ESRRG: variants seen among roughly 807,000 people sequenced by gnomAD.
ESRRG encodes the protein estrogen-related receptor gamma.
ESRRG carries 13 observed loss-of-function variants against 44.0 expected under a neutral mutation model. That is an observed-to-expected ratio of 0.30 (90% CI 0.19 to 0.47). The LOEUF (loss-of-function observed/expected upper bound fraction) is 0.47, where lower values mean the gene tolerates loss of function less well. ESRRG is among the 20% of genes least tolerant of loss of function. The pLI, the probability that ESRRG is intolerant of heterozygous loss-of-function variation, is 1.00. For missense variants in ESRRG, 395 were observed against 580.6 expected (o/e 0.68, Z 3.29); for synonymous variants, 215 against 214.6 (o/e 1.00, Z -0.02).
upstream of ESRRG, among the ~76,000 whole-genome samples, chr1:217,092,323 G>C (rs1239657892): frequency 6.6e-6 from 1 of 152,178 alleles, no homozygotes; most frequent in African/African-American, 2.4e-5. Flanking sequence ...TACTAAGGTA[G>C]ACGGAAGATA....
chr1:216,742,882 T>C (rs1425068826), intron 2 of ESRRG, among the ~76,000 whole-genome samples: 1 of 151,142 alleles, frequency 6.6e-6, no homozygotes, highest in African/African-American at 2.4e-5. Context: ...AACTTAAGAG[T>C]TTAGGGAGAT....
intron 1 of ESRRG, among the ~76,000 whole-genome samples, chr1:216,940,109 C>T (rs1374594955): frequency 1.3e-5 from 2 of 152,114 alleles, no homozygotes; most frequent in African/African-American, 4.8e-5. Flanking sequence ...ATGCATTTCT[C>T]CAAACGTGAA....
At chr1:216,922,279 G>A (rs772076239) in intron 2 of ESRRG, among the ~76,000 whole-genome samples, 3 of 152,184 alleles carry the variant, frequency 2.0e-5, no homozygotes, top group Non-Finnish European at 4.4e-5. Context: ...AGGAAAAACT[G>A]TAGCTTCTCT....
intron 2 of ESRRG, among the ~76,000 whole-genome samples, chr1:216,787,383 T>C (rs2094163426): frequency 6.6e-6 from 1 of 151,952 alleles, no homozygotes; most frequent in Non-Finnish European, 1.5e-5. Flanking sequence ...GGTGGGCAGA[T>C]CATGAGGTCA....
chr1:216,996,191 G>T (rs2076354293), intron 1 of ESRRG, among the ~76,000 whole-genome samples: 3 of 152,160 alleles, frequency 2.0e-5, no homozygotes, highest in African/African-American at 7.2e-5. Context: ...TTTCTTTCAT[G>T]ACTGTGTCTC....
intron 3 of ESRRG, among the ~76,000 whole-genome samples, chr1:216,577,702 G>A (rs1031156892): frequency 4.6e-5 from 7 of 152,044 alleles, no homozygotes; most frequent in African/African-American, 1.7e-4. Flanking sequence ...TTCATTTGAT[G>A]GAAATGAATA....
At chr1:217,092,461 G>A (rs1438657598), upstream of ESRRG, among the ~76,000 whole-genome samples, 1 of 152,194 alleles carries the variant, frequency 6.6e-6, no homozygotes, top group Non-Finnish European at 1.5e-5. Context: ...GCACAGAGAA[G>A]TTGAGTAATT....
chr1:216,790,467 G>A (rs1190425644), intron 2 of ESRRG, among the ~76,000 whole-genome samples: 2 of 152,082 alleles, frequency 1.3e-5, no homozygotes, highest in Non-Finnish European at 2.9e-5. Context: ...GAGTTCAAAG[G>A]AAAGAACAAT....
At chr1:216,992,447 G>A (rs1000226276) in intron 1 of ESRRG, among the ~76,000 whole-genome samples, 1 of 152,112 alleles carries the variant, frequency 6.6e-6, no homozygotes, top group Non-Finnish European at 1.5e-5. Context: ...CAGATTATAA[G>A]CTTCCTGAGG....
At chr1:216,508,828 G>A (rs1178015507) in intron 6 of ESRRG, among the ~76,000 whole-genome samples, 2 of 152,138 alleles carry the variant, frequency 1.3e-5, no homozygotes, top group Non-Finnish European at 2.9e-5. Context: ...ACTATGGTGA[G>A]TCTCTAGATA....
chr1:216,807,602 G>A (rs2094837690), intron 2 of ESRRG, among the ~76,000 whole-genome samples: 1 of 152,036 alleles, frequency 6.6e-6, no homozygotes, highest in South Asian at 2.1e-4. Context: ...GAACCTTGAG[G>A]TACAGATATC....
chr1:216,743,469 C>T (rs905660965), intron 2 of ESRRG, among the ~76,000 whole-genome samples: 3 of 152,170 alleles, frequency 2.0e-5, no homozygotes, highest in Admixed American at 2.0e-4. Context: ...AAGTATTCCT[C>T]TTCAGGGTAA....
At chr1:216,823,020 A>G (rs1340358571) in intron 2 of ESRRG, among the ~76,000 whole-genome samples, 1 of 152,056 alleles carries the variant, frequency 6.6e-6, no homozygotes, top group Non-Finnish European at 1.5e-5. Flanking sequence ...AAAGGGAAAG[A>G]ATGTCTTCGA....
intron 2 of ESRRG, among the ~76,000 whole-genome samples, chr1:216,881,886 A>T (rs917871286): frequency 1.3e-5 from 2 of 152,014 alleles, no homozygotes; most frequent in African/African-American, 4.8e-5. Flanking sequence ...ATACATTAGC[A>T]TCTGTTGTCA....
intron 2 of ESRRG, among the ~76,000 whole-genome samples, chr1:216,653,856 G>T (rs1227846659): frequency 6.6e-6 from 1 of 151,962 alleles, no homozygotes; most frequent in South Asian, 2.1e-4. Context: ...GTTCACGCCT[G>T]TAATTCCAAC....
At chr1:216,658,433 AT>A (rs1454606912) in intron 2 of ESRRG, among the ~76,000 whole-genome samples, 1 of 152,070 alleles carries the variant, frequency 6.6e-6, no homozygotes, top group East Asian at 1.9e-4. Flanking sequence ...TTAGGACAAA[AT>A]TTTTGTATGT....
At chr1:216,705,181 T>C (rs564694429) in intron 1 of ESRRG, among the ~76,000 whole-genome samples, 1 of 152,290 alleles carries the variant, frequency 6.6e-6, no homozygotes, top group African/African-American at 2.4e-5. Context: ...CACAGTTACA[T>C]AGAGATTTAC....
intron 3 of ESRRG, among the ~76,000 whole-genome samples, chr1:216,639,062 T>C (rs1182569382): frequency 6.6e-6 from 1 of 152,148 alleles, no homozygotes; most frequent in Non-Finnish European, 1.5e-5. Flanking sequence ...CTAATGATTA[T>C]GATAATGTTG....
intron 2 of ESRRG, among the ~76,000 whole-genome samples, chr1:216,807,309 G>A (rs1274838321): frequency 1.3e-5 from 2 of 152,098 alleles, no homozygotes; most frequent in Non-Finnish European, 2.9e-5. Context: ...TTTTGTGGGT[G>A]CTTAAAAACC....
Sources: gnomAD v4.1 joint callset for allele counts (sites outside exome capture counted in the v4.1 genomes callset) on GRCh38, gnomAD v4.1.1 for gene constraint, MANE v1.5 for transcripts, NCBI Gene and HGNC (gene_info 2026-07-23, HGNC 2026-07-21) for gene names.